The following PRDM7 variants were observed in gnomAD, a reference collection of about 807,000 sequenced individuals.
PRDM7 encodes histone-lysine N-methyltransferase PRDM7.
In PRDM7, 52 loss-of-function variants were observed where a neutral mutation model predicts 64.3. The observed-to-expected ratio is 0.81, with a 90% CI of 0.65 to 1.02. The LOEUF (loss-of-function observed/expected upper bound fraction) is 1.02. Ranked by LOEUF, PRDM7 falls within the 50% of genes least tolerant of loss-of-function variation. The pLI is 0.00. For synonymous variants in PRDM7, 192 were observed against 210.1 expected (o/e 0.91, Z 0.74); for missense variants, 574 against 597.1 (o/e 0.96, Z 0.40).
Position 90,061,566 on chromosome 16 carries a change from C to T in PRDM7, c.883-47G>A, listed in dbSNP as rs367624485. ...AAAGACTTTTTAGAGGGTAAAAATCCGAAGAATTATTTTACTCCACGGTCA... is the reference window on the plus strand; with the variant it reads ...AAAGACTTTTTAGAGGGTAAAAATCTGAAGAATTATTTTACTCCACGGTCA... On this transcript the variant is annotated intron_variant, in intron 8 of 10. Transcript: ENST00000449207. 3.0e-5 allele frequency: 47 copies of T among 1,541,058 alleles called. 1 individual carries two copies. The highest frequency in any genetic ancestry group is 3.4e-4 in the Middle Eastern group (2 of 5,952).
At chr16:90,063,893 A>G (rs1352691228) in intron 5 of PRDM7, 125 bp from the exon 6 acceptor site, 41 of 1,217,418 alleles carry the variant, frequency 3.4e-5, no homozygotes, top group Non-Finnish European at 3.7e-5. Context: ...GTGTCTAAAT[A>G]CTAGAGGGAA....
At chr16:90,062,301 T>G in intron 7 of PRDM7, 100 bp downstream of exon 7, 1 of 1,613,648 alleles carries the variant, frequency 6.2e-7, no homozygotes, top group Admixed American at 1.7e-5. Context: ...TCCTGTACTT[T>G]AATTCATTCG....
chr16:90,064,210 T>C (rs1169109124), intron 5 of PRDM7, among the ~76,000 whole-genome samples: 2 of 152,200 alleles, frequency 1.3e-5, no homozygotes, highest in Non-Finnish European at 1.5e-5. Context: ...AACAAAGAGA[T>C]GATTGGCAAA....
Position 90,060,355 on chromosome 16 carries a change from A to C in PRDM7, c.1219T>G (p.Ser407Ala). The change falls in exon 10 of 11, where the codon TCA (serine) becomes GCA (alanine). Residue 407 changes from serine (S) to alanine (A), a missense_variant. Transcript: ENST00000449207. ...SSGAASGRKS[S>A]WQGENQSQRS... ...GTGATGCCTACCTCTCCCTGCCATG[A>C]GCTCTTTCTTCCACTTGCTGCCCCA... is the stretch of plus-strand genomic sequence containing the variant. The C allele has an allele frequency of 1.2e-6, 2 of 1,613,938 alleles. No homozygotes were observed. Among genetic ancestry groups the C allele is most frequent in the Non-Finnish European group, 1.7e-6 (2 of 1,179,856 alleles).
rs772995844 is a variant in PRDM7, at chr16:90,058,449, A to C, written c.1319T>G (p.Ile440Ser). Reference sequence around the variant, plus strand: ...GTCCTGGGAAGTTCTGAGAGGAGTGATTGCGTTCCACATGTTGACTGAGAA... The same window carrying C: ...GTCCTGGGAAGTTCTGAGAGGAGTGCTTGCGTTCCACATGTTGACTGAGAA... The part of the protein sequence containing the change: ...KNFSVNMWNA[I>S]TPLRTSQDHL... Residue 440 changes from isoleucine (I) to serine (S), a missense_variant, in exon 11 of 11, where the codon ATC (isoleucine) becomes AGC (serine). Physicochemically the swap from Ile to Ser is moderately radical, Grantham distance 142 (BLOSUM62 -2). Transcript: ENST00000449207. 2.5e-6 allele frequency: 4 copies of C among 1,614,014 alleles called. No homozygotes were observed. The highest frequency in any genetic ancestry group is 2.5e-6 in the Non-Finnish European group (3 of 1,180,040).
intron 5 of PRDM7, 56 bp from the exon 6 acceptor site, chr16:90,063,824 G>A (rs1008234591): frequency 7.6e-6 from 12 of 1,586,198 alleles, no homozygotes; most frequent in African/African-American, 1.3e-5. Context: ...AGTTCTTTAC[G>A]GCTTGCAACA....
At chr16:90,068,078 A>G (rs1398128089) in intron 4 of PRDM7, among the ~76,000 whole-genome samples, 2 of 151,082 alleles carry the variant, frequency 1.3e-5, no homozygotes, top group African/African-American at 2.5e-5. Flanking sequence ...AAGTAAAATT[A>G]TCTCTGTTTG....
intron 5 of PRDM7, among the ~76,000 whole-genome samples, chr16:90,065,932 G>A (rs1340609024): frequency 2.0e-5 from 3 of 151,042 alleles, no homozygotes; most frequent in Non-Finnish European, 2.9e-5. Context: ...CTGGGCTTGG[G>A]AGTTCTAAGA....
At position 90,067,753 on chromosome 16, in the gene PRDM7, G is replaced by T. The variant is rs1415073247; in HGVS notation, c.302-843C>A. Among the ~76,000 whole-genome samples the T allele has an allele frequency of 4.6e-5, 7 of 150,570 alleles. 1 individual carries two copies. Among genetic ancestry groups the T allele is most frequent in the Non-Finnish European group, 7.4e-5 (5 of 67,886 alleles). On this transcript the variant is annotated intron_variant, in intron 4 of 10. Transcript: ENST00000449207. ...CTGCAGGTGCCTGCCACCACGCCCA[G>T]CTAATTTTTTGTATTTTTAGTAGAG...
chr16:90,062,104 C>A lies in PRDM7; in HGVS notation c.699G>T (p.Gly233=), dbSNP rs372674036. The A allele has an allele frequency of 1.2e-6, 2 of 1,614,246 alleles. No homozygotes were observed. Among genetic ancestry groups the A allele is most frequent in the South Asian group, 2.2e-5 (2 of 91,090 alleles). The change falls in exon 8 of 11, where the codon GGG becomes GGT. Residue 233 remains glycine (G), a synonymous_variant. Transcript: ENST00000449207. ...GACTGAGGGCTGAACGGTTGGGATG[C>A]CCCTTGTCCACTGCACTGTCCTTTA... is the stretch of plus-strand genomic sequence containing the variant. ...TFVKDSAVDK[G]HPNRSALSLP... is the part of the protein sequence containing the mutation.
intron 10 of PRDM7, among the ~76,000 whole-genome samples, chr16:90,059,080 G>T (rs1055581143): frequency 2.6e-5 from 4 of 152,230 alleles, no homozygotes; most frequent in African/African-American, 9.6e-5. Context: ...AGATGTGTTA[G>T]CAAATCTGAA....
At chr16:90,059,667 C>T (rs1597681014) in intron 10 of PRDM7, among the ~76,000 whole-genome samples, 1 of 152,180 alleles carries the variant, frequency 6.6e-6, no homozygotes, top group Non-Finnish European at 1.5e-5. Context: ...ACACTGACCC[C>T]CAGGTCTCAC....
chr16:90,069,745 A>G (rs2037929438), intron 4 of PRDM7, among the ~76,000 whole-genome samples: 1 of 151,178 alleles, frequency 6.6e-6, no homozygotes, highest in Non-Finnish European at 1.5e-5. Context: ...CTGTCTCAAA[A>G]AAAAGAAGAT....
At position 90,075,398 on chromosome 16, in the gene PRDM7, G is replaced by C; in HGVS notation, c.146C>G (p.Thr49Ser). Residue 49 changes from threonine (T) to serine (S), a missense_variant, in exon 3 of 11, where the codon ACT becomes AGT. By Grantham distance (58) the Thr-to-Ser change is moderately conservative. Coordinates refer to ENST00000449207, the MANE Select transcript of PRDM7 (RefSeq NM_001098173.2). This position sits in a 1 kb window ranked among gnomAD's most constrained non-coding sequence, Gnocchi z 4.3. ...GTTCATTTTCACATTCCTATAGCGA[G>C]TTTTCTCCCAGTCTCCCATTTCTGC... ...EWAEMGDWEK[T>S]RYRNVKMNYN... is the part of the protein sequence containing the mutation. 6.2e-7 allele frequency: 1 copy of C among 1,614,206 alleles called. No homozygotes were observed. The highest frequency in any genetic ancestry group is 8.5e-7 in the Non-Finnish European group (1 of 1,180,052).
chr16:90,061,743 C>T (rs2037781423), intron 8 of PRDM7, among the ~76,000 whole-genome samples, 178 bp downstream of exon 8: 1 of 152,224 alleles, frequency 6.6e-6, no homozygotes, highest in African/African-American at 2.4e-5. Flanking sequence ...TACCACTCTG[C>T]TCCCATGTAC....
intron 9 of PRDM7, among the ~76,000 whole-genome samples, chr16:90,061,215 A>G (rs2037770981): frequency 1.3e-5 from 2 of 152,252 alleles, no homozygotes; most frequent in African/African-American, 4.8e-5. Context: ...ATCAAGGTTT[A>G]TCTTGGTGCC....
At chr16:90,066,820 T>A (rs774864143) in intron 5 of PRDM7, 41 bp downstream of exon 5, 3 of 1,505,232 alleles carry the variant, frequency 2.0e-6, no homozygotes, top group East Asian at 2.3e-5. Flanking sequence ...TTTGGATCTA[T>A]GAGGAAGGTT....
chr16:90,058,461 A>G lies in PRDM7; in HGVS notation c.1307T>C (p.Met436Thr). The change falls in exon 11 of 11, where the codon ATG (methionine) becomes ACG (threonine). Residue 436 changes from methionine (M) to threonine (T), a missense_variant. Coordinates refer to ENST00000449207, the MANE Select transcript of PRDM7 (RefSeq NM_001098173.2). Reference sequence around the variant, plus strand: ...TCTGAGAGGAGTGATTGCGTTCCACATGTTGACTGAGAAATTTTTGACTTG... The same window carrying G: ...TCTGAGAGGAGTGATTGCGTTCCACGTGTTGACTGAGAAATTTTTGACTTG... ...PFQVKNFSVN[M>T]WNAITPLRTS... is the part of the protein sequence containing the mutation. The G allele has an allele frequency of 6.2e-7, 1 of 1,614,178 alleles. No homozygotes were observed.
In PRDM7 at chr16:90,061,870, A is replaced by C. The variant is rs748718932; in HGVS notation, c.882+51T>G. 3.1e-6 allele frequency: 5 copies of C among 1,610,486 alleles called. No individual in the cohort carries two copies. In the East Asian group the frequency reaches 1.1e-4, roughly 36 times the overall value. On this transcript the variant is annotated intron_variant, in intron 8 of 10. Transcript: ENST00000449207. Reference sequence around the variant, plus strand: ...TAGAAGGTGATGTCCCATCAAAGGCACAGAAGGGATGTGGGAAGACAGAAC... The same window carrying C: ...TAGAAGGTGATGTCCCATCAAAGGCCCAGAAGGGATGTGGGAAGACAGAAC...
Sources: allele counts gnomAD v4.1 joint callset (sites outside exome capture counted in the v4.1 genomes callset), GRCh38; gene constraint gnomAD v4.1.1; non-coding constraint Gnocchi (gnomAD v3.1); transcripts MANE v1.5; gene names NCBI Gene and HGNC (gene_info 2026-07-23, HGNC 2026-07-21).